The following GRIN2A variants were observed in gnomAD, a reference collection of about 807,000 sequenced individuals.
GRIN2A encodes the protein glutamate receptor ionotropic, NMDA 2A.
A neutral mutation model predicts 113.4 loss-of-function variants in GRIN2A; 22 were observed. The ratio of observed to expected loss-of-function variants is 0.19; its 90% CI spans 0.14 to 0.28. The LOEUF (loss-of-function observed/expected upper bound fraction) is 0.28, where lower values mean the gene tolerates loss of function less well. Ranked by LOEUF, GRIN2A falls within the 10% of genes least tolerant of loss-of-function variation. The probability of loss-of-function intolerance (pLI) is 1.00; values close to 1 mark genes in which losing one functional copy is unlikely to be tolerated. For synonymous variants in GRIN2A, 827 were observed against 738.4 expected (o/e 1.12, Z -1.94); for missense variants, 1,502 against 1,887.0 (o/e 0.80, Z 3.78).
intron 2 of GRIN2A, among the ~76,000 whole-genome samples, chr16:10,148,733 A>C (rs908977723): frequency 1.3e-5 from 2 of 152,174 alleles, no homozygotes; most frequent in Non-Finnish European, 2.9e-5. Context: ...ACATATCCAA[A>C]AGAAAGGAAA....
rs778667129 is a variant in GRIN2A, at chr16:9,849,785, G to A, written c.1299C>T (p.Thr433=). 1.9e-6 allele frequency: 3 copies of A among 1,613,844 alleles called. No individual in the cohort carries two copies. Among genetic ancestry groups the A allele is most frequent in the East Asian group, 2.2e-5 (1 of 44,878 alleles). ...DPLTETCVRN[T]VPCRKFVKIN... ...TTTTGACGAACTTCCGACATGGCAC[G>A]GTGTTCCTCACACACGTCTCGGTCA... The change falls in exon 5 of 13, where the codon ACC becomes ACT. Residue 433 remains threonine, a synonymous_variant. Transcript: ENST00000330684.
At chr16:9,901,438 C>T (rs190787108) in intron 3 of GRIN2A, among the ~76,000 whole-genome samples, 23 of 152,112 alleles carry the variant, frequency 1.5e-4, no homozygotes, top group African/African-American at 4.8e-4. Context: ...CTTTTTTATA[C>T]GATATTATTT....
At chr16:9,913,208 G>T (rs28498332) in intron 3 of GRIN2A, among the ~76,000 whole-genome samples, 1 of 152,224 alleles carries the variant, frequency 6.6e-6, no homozygotes, top group Non-Finnish European at 1.5e-5. Flanking sequence ...TACAATTTCC[G>T]GATGGCAGTC....
chr16:9,818,074 A>T (rs2042217732), intron 10 of GRIN2A, among the ~76,000 whole-genome samples: 1 of 151,986 alleles, frequency 6.6e-6, no homozygotes, highest in Non-Finnish European at 1.5e-5. Flanking sequence ...TTGTATTATT[A>T]TTATTCCTTA....
At chr16:9,811,175 T>A (rs2042079716) in intron 10 of GRIN2A, among the ~76,000 whole-genome samples, 1 of 152,138 alleles carries the variant, frequency 6.6e-6, no homozygotes, top group African/African-American at 2.4e-5. Flanking sequence ...CAACTTCGCA[T>A]CTCCTAACCC....
At chr16:9,981,315 C>T (rs1391101341) in intron 2 of GRIN2A, among the ~76,000 whole-genome samples, 1 of 152,186 alleles carries the variant, frequency 6.6e-6, no homozygotes, top group Non-Finnish European at 1.5e-5. Context: ...ATCTGCAAAG[C>T]TTAGTTATGA....
chr16:9,847,133 C>G (rs1285795610), intron 5 of GRIN2A, among the ~76,000 whole-genome samples: 10 of 152,106 alleles, frequency 6.6e-5, no homozygotes, highest in Admixed American at 6.6e-4. Flanking sequence ...TGTTCACTCC[C>G]AAATGGAGAG....
intron 2 of GRIN2A, among the ~76,000 whole-genome samples, chr16:10,132,467 T>C (rs1250128311): frequency 6.6e-6 from 1 of 152,096 alleles, no homozygotes; most frequent in Non-Finnish European, 1.5e-5. Context: ...CTATACCACT[T>C]ACCACTAGGT....
At chr16:9,798,672 A>G (rs757578347) in intron 10 of GRIN2A, among the ~76,000 whole-genome samples, 2 of 152,262 alleles carry the variant, frequency 1.3e-5, no homozygotes, top group Non-Finnish European at 2.9e-5. Context: ...TACAAGAGGC[A>G]GCTAAATAAA....
At chr16:9,870,307 T>C (rs1332505893) in intron 4 of GRIN2A, among the ~76,000 whole-genome samples, 1 of 152,144 alleles carries the variant, frequency 6.6e-6, no homozygotes, top group Non-Finnish European at 1.5e-5. Context: ...TGTCAAACAG[T>C]GTGACCTTAT....
intron 2 of GRIN2A, among the ~76,000 whole-genome samples, chr16:10,067,117 G>C (rs57705810): frequency 6.6e-6 from 1 of 151,940 alleles, no homozygotes; most frequent in Non-Finnish European, 1.5e-5. Context: ...CCTCTTTTTT[G>C]CTGTTTCTTT....
intron 2 of GRIN2A, among the ~76,000 whole-genome samples, chr16:10,161,261 G>A (rs1325062563): frequency 6.6e-6 from 1 of 152,166 alleles, no homozygotes; most frequent in Non-Finnish European, 1.5e-5. Context: ...ATATGAAGAA[G>A]TACATGTTGG....
At chr16:9,782,267 A>G (rs1364607173) in intron 11 of GRIN2A, among the ~76,000 whole-genome samples, 1 of 152,180 alleles carries the variant, frequency 6.6e-6, no homozygotes, top group Non-Finnish European at 1.5e-5. Flanking sequence ...TTTATATTGC[A>G]TTAGGTATTA....
At chr16:9,850,909 G>A (rs566506923) in intron 4 of GRIN2A, among the ~76,000 whole-genome samples, 2 of 152,198 alleles carry the variant, frequency 1.3e-5, no homozygotes, top group East Asian at 3.9e-4. Context: ...AGCTGCCCCC[G>A]CACCGCTCTT....
At chr16:9,796,303 T>C (rs1902978837) in intron 11 of GRIN2A, among the ~76,000 whole-genome samples, 1 of 152,238 alleles carries the variant, frequency 6.6e-6, no homozygotes, top group Non-Finnish European at 1.5e-5. Context: ...CAAACCTTTA[T>C]TGACCAATTT....
intron 2 of GRIN2A, among the ~76,000 whole-genome samples, chr16:10,109,894 T>A (rs943902763): frequency 1.5e-3 from 151 of 100,956 alleles, no homozygotes; most frequent in African/African-American, 3.7e-3. Context: ...AAAAATAAAA[T>A]TTTTTTTAAT....
At chr16:10,126,161 A>ATTTT (rs1567317310) in intron 2 of GRIN2A, among the ~76,000 whole-genome samples, 1 of 80,904 alleles carries the variant, frequency 1.2e-5, no homozygotes. Flanking sequence ...ATTTCTTTAT[A>ATTTT]TATATATATA....
intron 2 of GRIN2A, among the ~76,000 whole-genome samples, chr16:10,072,209 C>T (rs1308764390): frequency 1.3e-5 from 2 of 152,220 alleles, no homozygotes; most frequent in Non-Finnish European, 2.9e-5. Flanking sequence ...GAGGCTGTTG[C>T]ATTCCCTGCT....
chr16:10,038,856 A>C (rs1567252822), intron 2 of GRIN2A, among the ~76,000 whole-genome samples: 5 of 97,602 alleles, frequency 5.1e-5, no homozygotes, highest in South Asian at 4.4e-4. Flanking sequence ...TCAAAAAAAA[A>C]ACAAAAAACA....
Sources: allele counts gnomAD v4.1 joint callset (sites outside exome capture counted in the v4.1 genomes callset), GRCh38; gene constraint gnomAD v4.1.1; transcripts MANE v1.5; gene names NCBI Gene and HGNC (gene_info 2026-07-23, HGNC 2026-07-21).